Variants in EIF2AK4 observed in about 807,000 individuals in gnomAD.
EIF2AK4 encodes the protein eIF-2-alpha kinase GCN2.
EIF2AK4 carries 139 observed loss-of-function variants against 211.1 expected under a neutral mutation model. The observed-to-expected ratio is 0.66, with a 90% CI of 0.57 to 0.76. The LOEUF (loss-of-function observed/expected upper bound fraction) is 0.76. Among genes scored for constraint, EIF2AK4 ranks in the 30% least tolerant of loss-of-function variants. EIF2AK4 has a pLI of 0.00. For missense variants in EIF2AK4, 1,664 were observed against 2,043.8 expected, an observed-to-expected ratio of 0.81 and a Z score of 3.58; for synonymous variants, 710 against 751.3, an observed-to-expected ratio of 0.94 and a Z score of 0.90.
At chr15:39,969,573 G>T (rs528829574) in intron 9 of EIF2AK4, among the ~76,000 whole-genome samples, 175 of 152,164 alleles carry the variant, frequency 1.2e-3, no homozygotes, top group African/African-American at 3.7e-3. Flanking sequence ...TGTTAGCCAG[G>T]ATGGTCTCAA....
chr15:40,020,737 T>A (rs1441935630), intron 30 of EIF2AK4, 162 bp from the exon 31 acceptor site: 2 of 441,606 alleles, frequency 4.5e-6, no homozygotes, highest in East Asian at 4.0e-5. Context: ...TTTTTTTTTT[T>A]ACAATGTGTT....
chr15:40,013,444 T>C (rs1052696159), intron 27 of EIF2AK4, among the ~76,000 whole-genome samples: 1 of 151,858 alleles, frequency 6.6e-6, no homozygotes, highest in East Asian at 1.9e-4. Context: ...AGGAAAGAGG[T>C]TTAATGGATT....
chr15:39,968,891 T>TATATATATATATATAC (rs139536340), intron 9 of EIF2AK4, among the ~76,000 whole-genome samples: 16 of 149,222 alleles, frequency 1.1e-4, no homozygotes, highest in African/African-American at 3.9e-4. Flanking sequence ...TATATATATA[T>TATATATATATATATAC]ACACACACAT....
At position 39,934,342 on chromosome 15, in the gene EIF2AK4, A is replaced by C. The variant is rs750115120; in HGVS notation, c.144+3A>C. Reference sequence around the variant, plus strand: ...TGCGGCCGGACGCTTGCGGACCGGTAGGAACGTGGCTTGTCAGGCCCGGGC... The same window carrying C: ...TGCGGCCGGACGCTTGCGGACCGGTCGGAACGTGGCTTGTCAGGCCCGGGC... On this transcript the variant is annotated splice_donor_region_variant and intron_variant, in intron 1 of 38. Coordinates refer to ENST00000263791, the MANE Select transcript of EIF2AK4 (RefSeq NM_001013703.4). 1 of 1,604,820 alleles carries C rather than the reference A, an allele frequency of 6.2e-7. No homozygotes were observed. Among genetic ancestry groups the C allele is most frequent in the Non-Finnish European group, 8.5e-7 (1 of 1,176,048 alleles).
At chr15:39,955,274 CAT>C (rs1169863216) in intron 5 of EIF2AK4, among the ~76,000 whole-genome samples, 1 of 152,176 alleles carries the variant, frequency 6.6e-6, no homozygotes, top group Admixed American at 6.5e-5. Flanking sequence ...TGAGCCAGTA[CAT>C]ATTTAGGCAT....
rs762923452 is a variant in EIF2AK4, at chr15:40,025,971, T to G, written c.4390-6T>G. On this transcript the variant is annotated splice_region_variant and splice_polypyrimidine_tract_variant and intron_variant, in intron 32 of 38. Transcript: ENST00000263791. The stretch of plus-strand genomic sequence containing the variant: ...CAAATGATAGATCCGTTTCATTCTT[T>G]TTAAGGTTAAGTCTTTCGAGAAGGA... The G allele has an allele frequency of 6.2e-6, 10 of 1,613,766 alleles. No individual in the cohort carries two copies. In the South Asian group the frequency reaches 7.7e-5, roughly 12 times the overall value.
intron 13 of EIF2AK4, among the ~76,000 whole-genome samples, chr15:39,978,515 T>G (rs2034732669): frequency 6.6e-6 from 1 of 152,214 alleles, no homozygotes; most frequent in Admixed American, 6.5e-5. Context: ...GGAGTTACCT[T>G]GGTCTGTCCC....
At chr15:39,979,654 C>T (rs954339720) in intron 13 of EIF2AK4, among the ~76,000 whole-genome samples, 1 of 152,118 alleles carries the variant, frequency 6.6e-6, no homozygotes, top group Non-Finnish European at 1.5e-5. Context: ...GAGAAAATGT[C>T]TTTTTGCCCA....
At chr15:40,021,114 C>A in intron 31 of EIF2AK4, 87 bp downstream of exon 31, 1 of 1,379,412 alleles carries the variant, frequency 7.2e-7, no homozygotes, top group Non-Finnish European at 9.6e-7. Context: ...GACTGTCAAA[C>A]TCTGTTTATC....
At chr15:39,952,639 T>C (rs981513326) in intron 4 of EIF2AK4, among the ~76,000 whole-genome samples, 2 of 152,184 alleles carry the variant, frequency 1.3e-5, no homozygotes, top group Non-Finnish European at 2.9e-5. Context: ...CAGATATTAC[T>C]ATTTCTTAAA....
intron 33 of EIF2AK4, among the ~76,000 whole-genome samples, chr15:40,027,574 C>T (rs1360355534): frequency 6.6e-6 from 1 of 152,152 alleles, no homozygotes; most frequent in African/African-American, 2.4e-5. Flanking sequence ...GGAAAGATGT[C>T]CATAAATAGG....
chr15:39,987,881 C>CCATGGTACA, intron 14 of EIF2AK4, 102 bp from the exon 15 acceptor site: 1 of 1,354,694 alleles, frequency 7.4e-7, no homozygotes, highest in Non-Finnish European at 1.0e-6. Context: ...CGTTTAAAAC[C>CCATGGTACA]CATGGTACAC....
At chr15:40,011,428 T>A (rs377013536) in intron 27 of EIF2AK4, 82 bp downstream of exon 27, 4 of 1,266,782 alleles carry the variant, frequency 3.2e-6, no homozygotes, top group African/African-American at 1.5e-5. Flanking sequence ...CTCGTTGCAG[T>A]AGGGTAGCAG....
intron 7 of EIF2AK4, among the ~76,000 whole-genome samples, chr15:39,965,046 C>T (rs1406465561): frequency 6.6e-6 from 1 of 152,148 alleles, no homozygotes; most frequent in East Asian, 1.9e-4. Flanking sequence ...TGAGTGTACA[C>T]CAGTAGACAC....
At chr15:40,024,619 C>T (rs1409789553) in intron 32 of EIF2AK4, among the ~76,000 whole-genome samples, 3 of 150,844 alleles carry the variant, frequency 2.0e-5, no homozygotes, top group South Asian at 2.1e-4. Flanking sequence ...AGGCTGGTCT[C>T]GAGCTCCTGA....
chr15:39,973,128 C>A, intron 10 of EIF2AK4, 114 bp downstream of exon 10: 1 of 873,924 alleles, frequency 1.1e-6, no homozygotes. Context: ...GTCTTTTATT[C>A]TGAACTAAAT....
Position 39,953,945 on chromosome 15 carries a change from G to T in EIF2AK4, c.555G>T (p.Glu185Asp). ...ILHEIQRRKE[E>D]IKEEKKRKEM... ...ATGAGATTCAGAGAAGGAAAGAAGA[G>T]ATAAAAGAAGAGAAAAAAAGGAAAG... Residue 185 changes from glutamate (E) to aspartate (D), a missense_variant, in exon 5 of 39, where the codon GAG becomes GAT. By Grantham distance (45) the Glu-to-Asp change is conservative. Around this residue, in one of 7 missense-constraint regions of EIF2AK4, gnomAD observed 641 missense variants for 729.6 expected, o/e 0.88. Transcript: ENST00000263791. 1 of 1,607,790 alleles carries T rather than the reference G, an allele frequency of 6.2e-7. No homozygotes were observed. Among genetic ancestry groups the T allele is most frequent in the Non-Finnish European group, 8.5e-7 (1 of 1,178,208 alleles).
At position 40,001,041 on chromosome 15, in the gene EIF2AK4, C is replaced by T. The variant is rs752853011; in HGVS notation, c.2976C>T (p.Ala992=). Reference sequence around the variant, plus strand: ...ACGATCCAGCAAAACGGCCCACAGCCACAGAACTGCTCAAGAGTGAGCTGC... The same window carrying T: ...ACGATCCAGCAAAACGGCCCACAGCTACAGAACTGCTCAAGAGTGAGCTGC... ...LNHDPAKRPT[A]TELLKSELLP... is the part of the protein sequence containing the mutation. The change falls in exon 21 of 39, where the codon GCC becomes GCT. Residue 992 remains alanine (A), a synonymous_variant. Coordinates refer to ENST00000263791, the MANE Select transcript of EIF2AK4 (RefSeq NM_001013703.4). The T allele has an allele frequency of 1.9e-6, 3 of 1,614,192 alleles. No individual in the cohort carries two copies. The Admixed American group carries it at 5.0e-5, about 27-fold the overall frequency.
At chr15:39,944,678 C>G (rs964934341) in intron 3 of EIF2AK4, among the ~76,000 whole-genome samples, 3 of 152,138 alleles carry the variant, frequency 2.0e-5, no homozygotes. Context: ...CGTGGTCCAC[C>G]CGCCTCGGCC....
Sources: allele counts gnomAD v4.1 joint callset (sites outside exome capture counted in the v4.1 genomes callset), GRCh38; gene constraint gnomAD v4.1.1; regional missense constraint gnomAD v4.1.1; transcripts MANE v1.5; gene names NCBI Gene and HGNC (gene_info 2026-07-23, HGNC 2026-07-21).